LIPC: variants seen among roughly 807,000 people sequenced by gnomAD.
LIPC encodes the protein hepatic triacylglycerol lipase.
In LIPC, 44 loss-of-function variants were observed where a neutral mutation model predicts 50.7. The ratio of observed to expected loss-of-function variants is 0.87; its 90% CI spans 0.68 to 1.11. The LOEUF (loss-of-function observed/expected upper bound fraction) is 1.11, where lower values mean the gene tolerates loss of function less well. LIPC is among the 50% of genes most tolerant of loss of function. LIPC has a pLI of 0.00. For missense variants in LIPC, 697 were observed against 648.2 expected (o/e 1.08, Z -0.82); for synonymous variants, 271 against 256.4 (o/e 1.06, Z -0.54).
intron 4 of LIPC, among the ~76,000 whole-genome samples, chr15:58,544,391 C>CTTTTTTTTTTTTTTTTTTTTTTTTTTTT (rs572161614): frequency 9.1e-6 from 1 of 110,272 alleles, no homozygotes. Context: ...TTCTTTTTCT[C>CTTTTTTTTTTTTTTTTTTTTTTTTTTTT]TTTCTTTTTT....
At chr15:58,473,589 T>G (rs1021674803) in intron 1 of LIPC, 2 of 152,278 alleles carry the variant, frequency 1.3e-5, no homozygotes, top group Non-Finnish European at 2.9e-5. Context: ...TTAATATCTT[T>G]CTGGCATCGG....
chr15:58,450,729 C>T (rs1488266066), intron 1 of LIPC, among the ~76,000 whole-genome samples: 4 of 152,200 alleles, frequency 2.6e-5, no homozygotes, highest in African/African-American at 9.6e-5. Context: ...GTCTTGCCAC[C>T]GGGATGCTTT....
chr15:58,542,709 G>A, intron 4 of LIPC, 58 bp downstream of exon 4: 1 of 1,155,710 alleles, frequency 8.7e-7, no homozygotes, highest in Non-Finnish European at 1.3e-6. Context: ...ATCCAACAAG[G>A]ACCTGCTTTT....
chr15:58,467,236 T>C (rs1174795182), intron 1 of LIPC, among the ~76,000 whole-genome samples: 2 of 152,190 alleles, frequency 1.3e-5, no homozygotes, highest in African/African-American at 4.8e-5. Flanking sequence ...CGTGATCACC[T>C]GACCCACTCA....
chr15:58,551,742 C>A (rs1893769406), intron 6 of LIPC, among the ~76,000 whole-genome samples: 1 of 152,176 alleles, frequency 6.6e-6, no homozygotes, highest in Admixed American at 6.5e-5. Context: ...AAACCACAAT[C>A]CCCATTTTTC....
intron 1 of LIPC, among the ~76,000 whole-genome samples, chr15:58,507,237 TGA>T (rs1892181536): frequency 6.6e-6 from 1 of 152,160 alleles, no homozygotes; most frequent in Non-Finnish European, 1.5e-5. Context: ...CCTATCCTCT[TGA>T]GAGTATTTCT....
chr15:58,567,265 A>ATG (rs113085870), intron 8 of LIPC, among the ~76,000 whole-genome samples: 20,628 of 118,212 alleles, frequency 0.17, 2,356 homozygotes, highest in African/African-American at 0.31. Flanking sequence ...ATATATGTAT[A>ATG]TGTGTGTGTG....
intron 1 of LIPC, among the ~76,000 whole-genome samples, chr15:58,463,992 G>A (rs758231222): frequency 6.6e-6 from 1 of 152,086 alleles, no homozygotes; most frequent in African/African-American, 2.4e-5. Flanking sequence ...AAAGATGAAA[G>A]TAATGGATCA....
In LIPC at chr15:58,545,839, C is replaced by A. The variant is rs6084; in HGVS notation, c.672C>A (p.Thr224=). 13 of 1,614,038 alleles carry A rather than the reference C, an allele frequency of 8.1e-6. 1 individual carries two copies. The highest frequency in any genetic ancestry group is 1.6e-4 in the Middle Eastern group (1 of 6,062). The change falls in exon 5 of 9, where the codon ACC becomes ACA. Residue 224 remains threonine (T), a synonymous_variant. Coordinates refer to ENST00000299022, the MANE Select transcript of LIPC (RefSeq NM_000236.3). ...TTGTGGATGCCATTCATACCTTTAC[C>A]CGGGAGCACATGGGCCTGAGCGTGG... ...ANFVDAIHTF[T]REHMGLSVGI... is the part of the protein sequence containing the mutation.
chr15:58,548,871 G>T (rs183078951), intron 6 of LIPC, among the ~76,000 whole-genome samples: 1 of 152,270 alleles, frequency 6.6e-6, no homozygotes, highest in East Asian at 1.9e-4. Context: ...AAGGCCACAC[G>T]CAGTTTACCT....
At chr15:58,484,477 G>T (rs1481831105) in intron 1 of LIPC, among the ~76,000 whole-genome samples, 1 of 152,228 alleles carries the variant, frequency 6.6e-6, no homozygotes, top group Non-Finnish European at 1.5e-5. Context: ...TGCTTCTACA[G>T]CACCTACTAT....
At chr15:58,477,543 G>C (rs1167404370) in intron 1 of LIPC, among the ~76,000 whole-genome samples, 3 of 152,138 alleles carry the variant, frequency 2.0e-5, no homozygotes, top group Admixed American at 6.5e-5. Context: ...ATTTTAAAGG[G>C]TACAAAACAA....
chr15:58,555,047 T>G (rs1347908452), intron 6 of LIPC, among the ~76,000 whole-genome samples: 2 of 152,136 alleles, frequency 1.3e-5, no homozygotes, highest in African/African-American at 4.8e-5. Flanking sequence ...GAGATGCTAC[T>G]CTAGGGACAC....
intron 4 of LIPC, among the ~76,000 whole-genome samples, chr15:58,544,634 G>A (rs762392575): frequency 6.6e-6 from 1 of 152,122 alleles, no homozygotes; most frequent in Non-Finnish European, 1.5e-5. Flanking sequence ...GACCTCAGGT[G>A]ATCTGCCAGA....
intron 1 of LIPC, among the ~76,000 whole-genome samples, chr15:58,499,512 G>A (rs1372869090): frequency 2.0e-5 from 3 of 152,174 alleles, no homozygotes; most frequent in Non-Finnish European, 4.4e-5. Flanking sequence ...AACCTGAAAA[G>A]AACCAATAGT....
intron 1 of LIPC, among the ~76,000 whole-genome samples, chr15:58,456,645 C>G (rs1566913307): frequency 6.6e-6 from 1 of 152,210 alleles, no homozygotes; most frequent in Non-Finnish European, 1.5e-5. Context: ...CCCCATGGGC[C>G]TAAGTAGCCC....
chr15:58,569,203 T>C lies in LIPC; in HGVS notation c.*376T>C, dbSNP rs1003802547. 3 of 162,000 alleles carry C rather than the reference T, an allele frequency of 1.9e-5. No homozygotes were observed. The highest frequency in any genetic ancestry group is 4.0e-5 in the Non-Finnish European group (3 of 74,216). The allele number at this position is 162,000 out of a possible 1,614,324, so 10.0% of individuals were successfully genotyped here. ...TTTGAACCATGCTAGAAAGATACTT[T>C]TTTATTAGGTAACTAGTGCTTCAAT... On this transcript the variant is annotated 3_prime_UTR_variant, in exon 9 of 9. Transcript: ENST00000299022.
At chr15:58,432,271 G>T (rs1334976735) in intron 1 of LIPC, 151 bp downstream of exon 1, 8 of 689,552 alleles carry the variant, frequency 1.2e-5, no homozygotes, top group South Asian at 1.1e-4. Flanking sequence ...GGTTCACAGG[G>T]ACACGTAGCC....
chr15:58,494,846 C>A (rs1343729275), intron 1 of LIPC: 1 of 456,080 alleles, frequency 2.2e-6, no homozygotes, highest in African/African-American at 2.0e-5. Flanking sequence ...ATCTGAATGT[C>A]CTCCCTTCAT....
Sources: allele counts gnomAD v4.1 joint callset (sites outside exome capture counted in the v4.1 genomes callset), GRCh38; gene constraint gnomAD v4.1.1; transcripts MANE v1.5; gene names NCBI Gene and HGNC (gene_info 2026-07-23, HGNC 2026-07-21).